The following CTNNA2 variants were observed in gnomAD, a reference collection of about 807,000 sequenced individuals.
CTNNA2 encodes the protein catenin alpha 2.
In CTNNA2, 42 loss-of-function variants were observed where a neutral mutation model predicts 101.0. That is an observed-to-expected ratio of 0.42 (90% confidence interval 0.32 to 0.54). The LOEUF (loss-of-function observed/expected upper bound fraction) is 0.54. Among genes scored for constraint, CTNNA2 ranks in the 20% least tolerant of loss-of-function variants. CTNNA2 has a pLI of 0.14. For synonymous variants in CTNNA2, 450 were observed against 456.4 expected (o/e 0.99, Z 0.18); for missense variants, 871 against 1,223.1 (o/e 0.71, Z 4.29).
At chr2:79,357,340 A>G (rs143955849) in intron 3 of CTNNA2, among the ~76,000 whole-genome samples, 2 of 152,314 alleles carry the variant, frequency 1.3e-5, no homozygotes, top group African/African-American at 2.4e-5. Context: ...ACAAACAAAC[A>G]AAACTCAAGA....
At chr2:79,742,820 C>T (rs13404268) in intron 2 of CTNNA2, among the ~76,000 whole-genome samples, 5,030 of 152,188 alleles carry the variant, frequency 0.033, 280 homozygotes, top group African/African-American at 0.11. Context: ...CTTAAATTCA[C>T]TCTACCTAAT....
chr2:79,278,644 A>C (rs999908716), intron 2 of CTNNA2, among the ~76,000 whole-genome samples: 17 of 152,118 alleles, frequency 1.1e-4, no homozygotes, highest in Non-Finnish European at 1.3e-4. Context: ...ATTTAGATAT[A>C]AAATAAGCAT....
At chr2:79,304,627 C>A in intron 2 of CTNNA2, among the ~76,000 whole-genome samples, 1 of 152,108 alleles carries the variant, frequency 6.6e-6, no homozygotes, top group East Asian at 1.9e-4. Flanking sequence ...CTCAATGGTT[C>A]TTTTTCTGTT....
At chr2:80,027,972 CAAAAAAAAAAAA>C (rs1177032489) in intron 7 of CTNNA2, 29 of 19,824 alleles carry the variant, frequency 1.5e-3, no homozygotes, top group African/African-American at 4.5e-3. Context: ...GACCCTGTCT[CAAAAAAAAAAAA>C]AAAAAAAAAA....
chr2:80,200,626 C>T (rs1158101891), intron 7 of CTNNA2, among the ~76,000 whole-genome samples: 2 of 152,140 alleles, frequency 1.3e-5, no homozygotes, highest in African/African-American at 4.8e-5. Flanking sequence ...ATCTCCACCT[C>T]CTGGGTTCAA....
At chr2:80,364,195 T>C (rs1447862849) in intron 7 of CTNNA2, among the ~76,000 whole-genome samples, 1 of 152,142 alleles carries the variant, frequency 6.6e-6, no homozygotes, top group Non-Finnish European at 1.5e-5. Context: ...ACCACTGAGA[T>C]TGCTAAAAAT....
At chr2:80,068,818 G>A (rs1039680720) in intron 7 of CTNNA2, among the ~76,000 whole-genome samples, 1 of 152,146 alleles carries the variant, frequency 6.6e-6, no homozygotes, top group African/African-American at 2.4e-5. Context: ...GTTTTCGTAT[G>A]AGACTCTGTT....
At chr2:79,356,864 A>G (rs1573115085) in intron 3 of CTNNA2, among the ~76,000 whole-genome samples, 1 of 152,356 alleles carries the variant, frequency 6.6e-6, no homozygotes, top group Admixed American at 6.5e-5. Flanking sequence ...AATAGAATTG[A>G]TAGATTAGAA....
At chr2:79,209,912 T>G (rs1469858775) in intron 2 of CTNNA2, among the ~76,000 whole-genome samples, 2 of 152,048 alleles carry the variant, frequency 1.3e-5, no homozygotes, top group African/African-American at 4.8e-5. Context: ...TGCAGTAAGT[T>G]TAAAGTCTCT....
In CTNNA2 at chr2:79,235,569, G is replaced by T. The variant is rs1041129956; in HGVS notation, c.-406+37493G>T. Among the ~76,000 whole-genome samples the T allele has an allele frequency of 2.0e-5, 3 of 152,128 alleles. No homozygotes were observed. In the South Asian group the frequency reaches 6.2e-4, roughly 32 times the overall value. On this transcript the variant is annotated intron_variant, in intron 2 of 21. Coordinates refer to the CTNNA2 transcript ENST00000466387. ...AGGCAGAGGCCACGGTTGACAGACT[G>T]GCCATATCCTTGACAGGCCTGCCCT...
intron 4 of CTNNA2, among the ~76,000 whole-genome samples, chr2:79,393,595 A>G (rs2104474073): frequency 6.9e-6 from 1 of 145,250 alleles, no homozygotes; most frequent in South Asian, 2.4e-4. Flanking sequence ...TATGCATATC[A>G]GTAGCAGTAG....
intron 4 of CTNNA2, among the ~76,000 whole-genome samples, chr2:79,469,283 A>G (rs1670972666): frequency 6.6e-6 from 1 of 152,240 alleles, no homozygotes; most frequent in Admixed American, 6.5e-5. Flanking sequence ...ATCTAGAAGA[A>G]ATGGATACAT....
intron 1 of CTNNA2, among the ~76,000 whole-genome samples, chr2:79,626,986 A>T (rs775749043): frequency 1.3e-5 from 2 of 152,202 alleles, no homozygotes; most frequent in Non-Finnish European, 2.9e-5. Flanking sequence ...ACTCTGATAA[A>T]GAAGTATAAT....
intron 13 of CTNNA2, 96 bp from the exon 14 acceptor site, chr2:80,581,610 G>A: frequency 1.3e-6 from 1 of 764,198 alleles, no homozygotes; most frequent in Non-Finnish European, 2.3e-6. Context: ...TATAAGCTCT[G>A]TTTGCTGGGG....
At chr2:79,649,314 C>A (rs766776641) in intron 1 of CTNNA2, 2 of 154,742 alleles carry the variant, frequency 1.3e-5, no homozygotes, top group Non-Finnish European at 2.9e-5. Context: ...TTACCCAGTA[C>A]CTGTCACTAT....
At chr2:79,292,969 T>C (rs1675865088) in intron 2 of CTNNA2, 1 of 152,278 alleles carries the variant, frequency 6.6e-6, no homozygotes, top group African/African-American at 2.4e-5. Context: ...TCCACAATAT[T>C]GCCTGCATTC....
At chr2:80,421,916 T>C (rs1291325947) in intron 9 of CTNNA2, among the ~76,000 whole-genome samples, 4 of 152,180 alleles carry the variant, frequency 2.6e-5, no homozygotes, top group Non-Finnish European at 5.9e-5. Context: ...GTCTGTAATA[T>C]GAAAAAGTCG....
chr2:80,597,446 A>T (rs2149757470), intron 15 of CTNNA2, among the ~76,000 whole-genome samples: 1 of 152,328 alleles, frequency 6.6e-6, no homozygotes, highest in Middle Eastern at 3.4e-3. Context: ...ACCAAAAGCA[A>T]TTGTAACAAA....
intron 7 of CTNNA2, among the ~76,000 whole-genome samples, chr2:80,006,798 C>G (rs936533364): frequency 1.3e-5 from 2 of 152,228 alleles, no homozygotes; most frequent in Non-Finnish European, 2.9e-5. Context: ...GTCTGTTTCC[C>G]ATTAATTGCG....
Sources: gnomAD v4.1 joint callset for allele counts (sites outside exome capture counted in the v4.1 genomes callset) on GRCh38, gnomAD v4.1.1 for gene constraint, MANE v1.5 for transcripts, NCBI Gene and HGNC (gene_info 2026-07-23, HGNC 2026-07-21) for gene names.